SHISA9: variants seen among roughly 807,000 people sequenced by gnomAD.
SHISA9 encodes the protein shisa family member 9.
Under a neutral mutation model 38.0 loss-of-function variants are expected in SHISA9, and 13 were observed. That is an observed-to-expected ratio of 0.34 (90% CI 0.22 to 0.54). The LOEUF is 0.54. Ranked by LOEUF, SHISA9 falls within the 20% of genes least tolerant of loss-of-function variation. SHISA9 has a pLI of 0.91. For missense variants in SHISA9, 538 were observed against 575.8 expected (o/e 0.93, Z 0.67); for synonymous variants, 275 against 242.0 (o/e 1.14, Z -1.27).
At chr16:12,940,325 C>A (rs146886665) in intron 2 of SHISA9, among the ~76,000 whole-genome samples, 2 of 152,286 alleles carry the variant, frequency 1.3e-5, no homozygotes, top group Non-Finnish European at 2.9e-5. Flanking sequence ...TTGCTGCACC[C>A]CAGCTTGTCT....
chr16:12,959,851 C>T (rs150317231), intron 2 of SHISA9, among the ~76,000 whole-genome samples: 2,025 of 152,282 alleles, frequency 0.013, 47 homozygotes, highest in African/African-American at 0.047. Context: ...CCGCACTCTA[C>T]ATATGAGTTT....
intron 3 of SHISA9, among the ~76,000 whole-genome samples, chr16:13,205,295 C>G (rs962091610): frequency 6.6e-6 from 1 of 152,246 alleles, no homozygotes. Flanking sequence ...AATCCTATTT[C>G]AAATGCTTGC....
intron 2 of SHISA9, among the ~76,000 whole-genome samples, chr16:12,923,071 G>A (rs2071347796): frequency 6.6e-6 from 1 of 152,120 alleles, no homozygotes; most frequent in East Asian, 1.9e-4. Context: ...AGGTGATCCT[G>A]CTGCCTCAGC....
chr16:13,146,072 C>T (rs1000090182), intron 2 of SHISA9, among the ~76,000 whole-genome samples: 12 of 152,154 alleles, frequency 7.9e-5, no homozygotes, highest in Non-Finnish European at 1.2e-4. Context: ...CCTGTGGTCC[C>T]GGCTACTTGG....
intron 2 of SHISA9, among the ~76,000 whole-genome samples, chr16:13,064,915 C>A (rs1318424730): frequency 6.6e-6 from 1 of 152,084 alleles, no homozygotes; most frequent in Non-Finnish European, 1.5e-5. Context: ...GGAGGGGCAG[C>A]CTCACTGAGG....
At chr16:13,324,434 A>T in the SHISA9 span, among the ~76,000 whole-genome samples, 1 of 152,118 alleles carries the variant, frequency 6.6e-6, no homozygotes, top group Non-Finnish European at 1.5e-5. Context: ...ATTGGCAACC[A>T]CAAAGAAAAA....
intron 2 of SHISA9, among the ~76,000 whole-genome samples, chr16:13,128,109 G>A (rs1015776805): frequency 3.3e-5 from 5 of 152,124 alleles, no homozygotes; most frequent in Non-Finnish European, 7.3e-5. Context: ...TAAGAGTTTG[G>A]TGTATACTGG....
intron 2 of SHISA9, among the ~76,000 whole-genome samples, chr16:13,002,812 C>T (rs943208782): frequency 6.6e-6 from 1 of 152,132 alleles, no homozygotes; most frequent in African/African-American, 2.4e-5. Flanking sequence ...GGATTACAGG[C>T]ATGAGCCACT....
the SHISA9 span, among the ~76,000 whole-genome samples, chr16:13,468,940 A>T: frequency 4.0e-5 from 6 of 151,852 alleles, no homozygotes; most frequent in African/African-American, 1.4e-4. Flanking sequence ...TATATATATA[A>T]AACAACAACA....
At chr16:13,355,932 C>T in the SHISA9 span, among the ~76,000 whole-genome samples, 3 of 152,130 alleles carry the variant, frequency 2.0e-5, no homozygotes, top group Non-Finnish European at 2.9e-5. Context: ...TTGAACAGTC[C>T]GATTTTCAGT....
At chr16:13,515,152 C>T in the SHISA9 span, among the ~76,000 whole-genome samples, 1 of 152,032 alleles carries the variant, frequency 6.6e-6, no homozygotes, top group South Asian at 2.1e-4. Context: ...AATGTCTGCA[C>T]CCCCTGCTCA....
chr16:12,914,121 C>T (rs1190713296), intron 1 of SHISA9, among the ~76,000 whole-genome samples: 2 of 149,768 alleles, frequency 1.3e-5, no homozygotes, highest in East Asian at 3.9e-4. Flanking sequence ...TCTCGGCTCA[C>T]TGCAACCCCT....
the SHISA9 span, among the ~76,000 whole-genome samples, chr16:13,517,399 C>T: frequency 8.2e-4 from 125 of 152,204 alleles, no homozygotes; most frequent in African/African-American, 3.0e-3. Flanking sequence ...TCCTAGGAAA[C>T]GAATATGGTT....
At chr16:13,302,835 G>T in the SHISA9 span, among the ~76,000 whole-genome samples, 2 of 152,168 alleles carry the variant, frequency 1.3e-5, no homozygotes, top group Non-Finnish European at 2.9e-5. Flanking sequence ...CATGGGTGTG[G>T]TTTCCTCCAT....
At chr16:13,045,112 A>T (rs1433699401) in intron 2 of SHISA9, among the ~76,000 whole-genome samples, 1 of 152,204 alleles carries the variant, frequency 6.6e-6, no homozygotes, top group Non-Finnish European at 1.5e-5. Context: ...TAGAGATTCA[A>T]CATGCTTGTT....
the SHISA9 span, among the ~76,000 whole-genome samples, chr16:13,282,716 C>T: frequency 6.6e-6 from 1 of 151,982 alleles, no homozygotes; most frequent in South Asian, 2.1e-4. Flanking sequence ...GGTTGCATAA[C>T]TTTCAATTAC....
the SHISA9 span, among the ~76,000 whole-genome samples, chr16:13,293,386 G>C: frequency 6.6e-6 from 1 of 152,146 alleles, no homozygotes; most frequent in South Asian, 2.1e-4. Flanking sequence ...CATCTGCAAA[G>C]CTCTTAAATA....
the SHISA9 span, among the ~76,000 whole-genome samples, chr16:13,264,785 C>T: frequency 1.1e-4 from 17 of 151,966 alleles, no homozygotes; most frequent in Non-Finnish European, 1.5e-4. Context: ...GGAAAGAATT[C>T]ACCCCAATAT....
chr16:13,195,055 A>G (rs2050923891), intron 2 of SHISA9, among the ~76,000 whole-genome samples: 4 of 152,234 alleles, frequency 2.6e-5, no homozygotes, highest in Admixed American at 2.6e-4. Context: ...ATGTGTGTAT[A>G]TACATATATT....
Sources: allele counts gnomAD v4.1 joint callset (sites outside exome capture counted in the v4.1 genomes callset), GRCh38; gene constraint gnomAD v4.1.1; transcripts MANE v1.5; gene names NCBI Gene and HGNC (gene_info 2026-07-23, HGNC 2026-07-21).